LRRC37A2: variants seen among roughly 807,000 people sequenced by gnomAD.
LRRC37A2 encodes leucine rich repeat containing 37 member A2.
A neutral mutation model predicts 68.8 loss-of-function variants in LRRC37A2; 9 were observed. The observed-to-expected ratio is 0.13, with a 90% CI of 0.08 to 0.23. LRRC37A2 has a LOEUF of 0.23. LRRC37A2 is among the 10% of genes least tolerant of loss of function. The pLI is 1.00. For synonymous variants in LRRC37A2, 63 were observed against 367.6 expected, an observed-to-expected ratio of 0.17 and a Z score of 9.48; for missense variants, 168 against 950.4, an observed-to-expected ratio of 0.18 and a Z score of 10.82.
chr17:46,867,264 C>T, the LRRC37A2 span, among the ~76,000 whole-genome samples: 1 of 152,258 alleles, frequency 6.6e-6, no homozygotes, highest in Non-Finnish European at 1.5e-5. Flanking sequence ...AAATACTTAT[C>T]TGGAGCTTAC....
At chr17:46,858,167 T>G in the LRRC37A2 span, among the ~76,000 whole-genome samples, 5 of 152,218 alleles carry the variant, frequency 3.3e-5, no homozygotes, top group Admixed American at 2.0e-4. Context: ...TGACCTCATG[T>G]GATCCACCCA....
the LRRC37A2 span, among the ~76,000 whole-genome samples, chr17:46,773,146 C>T: frequency 6.6e-6 from 1 of 152,134 alleles, no homozygotes; most frequent in East Asian, 1.9e-4. Flanking sequence ...TACCCAGAGG[C>T]CAGTGCACCC....
the LRRC37A2 span, chr17:46,713,164 G>A: frequency 6.6e-6 from 1 of 152,268 alleles, no homozygotes; most frequent in African/African-American, 2.4e-5. Flanking sequence ...GTATTAAACT[G>A]TCAGATAGAC....
chr17:46,864,362 A>G, the LRRC37A2 span, among the ~76,000 whole-genome samples: 1 of 152,108 alleles, frequency 6.6e-6, no homozygotes, highest in Non-Finnish European at 1.5e-5. Flanking sequence ...TTCTCTTCAC[A>G]TACCAGGCCC....
At chr17:46,513,459 CCTT>C in exon 2 of LRRC37A2, 1 of 233,162 alleles carries the variant, frequency 4.3e-6, no homozygotes, top group Non-Finnish European at 8.5e-6. Context: ...TTCCACAGCT[CCTT>C]GAGGAAGAAC....
At chr17:46,997,648 C>A in the LRRC37A2 span, among the ~76,000 whole-genome samples, 1 of 152,128 alleles carries the variant, frequency 6.6e-6, no homozygotes, top group African/African-American at 2.4e-5. Context: ...TGGGTAATAT[C>A]TGCAGGATGC....
At chr17:46,501,385 G>A in the LRRC37A2 span, among the ~76,000 whole-genome samples, 1 of 151,136 alleles carries the variant, frequency 6.6e-6, no homozygotes, top group Non-Finnish European at 1.5e-5. Context: ...ATGTTGGCCA[G>A]ACTGGTCTTG....
chr17:46,803,408 C>T, the LRRC37A2 span, among the ~76,000 whole-genome samples: 1 of 152,164 alleles, frequency 6.6e-6, no homozygotes, highest in Non-Finnish European at 1.5e-5. Context: ...GCGGTGCACA[C>T]CTATGATCCC....
chr17:46,404,837 T>C, the LRRC37A2 span, among the ~76,000 whole-genome samples: 1 of 89,192 alleles, frequency 1.1e-5, no homozygotes, highest in African/African-American at 3.5e-5. Context: ...ACCAGGGCAG[T>C]CCAGCCTGGG....
chr17:46,929,157 C>T, the LRRC37A2 span, among the ~76,000 whole-genome samples: 1 of 152,128 alleles, frequency 6.6e-6, no homozygotes, highest in Non-Finnish European at 1.5e-5. Flanking sequence ...GTAGGATTGG[C>T]CGGGTTCAGT....
the LRRC37A2 span, chr17:46,972,917 T>A: frequency 1.3e-5 from 2 of 153,800 alleles, no homozygotes; most frequent in African/African-American, 4.8e-5. Context: ...ATACTGGCAC[T>A]GACATGCAAA....
chr17:46,877,279 G>A, the LRRC37A2 span, among the ~76,000 whole-genome samples: 1 of 152,254 alleles, frequency 6.6e-6, no homozygotes, highest in Non-Finnish European at 1.5e-5. Context: ...TGGGGAGAAA[G>A]CACAGGTGGT....
chr17:46,687,629 G>T, the LRRC37A2 span, among the ~76,000 whole-genome samples: 1 of 151,394 alleles, frequency 6.6e-6, no homozygotes, highest in Non-Finnish European at 1.5e-5. Flanking sequence ...CCTTCCAAGT[G>T]CATACTCCTT....
chr17:46,971,027 T>G, the LRRC37A2 span, among the ~76,000 whole-genome samples: 3 of 152,208 alleles, frequency 2.0e-5, no homozygotes. Context: ...CTTTTTTTTG[T>G]TGCTATAAAT....
chr17:46,824,697 AAC>A, the LRRC37A2 span, among the ~76,000 whole-genome samples: 1 of 152,168 alleles, frequency 6.6e-6, no homozygotes, highest in Non-Finnish European at 1.5e-5. Flanking sequence ...GCCCCTCGAA[AAC>A]ACTGTTGATG....
chr17:46,491,247 G>T, the LRRC37A2 span, among the ~76,000 whole-genome samples: 1 of 150,912 alleles, frequency 6.6e-6, no homozygotes, highest in African/African-American at 2.5e-5. Context: ...TAATTTATTT[G>T]CTAAATATTT....
chr17:46,771,939 C>T, the LRRC37A2 span, among the ~76,000 whole-genome samples: 1 of 147,194 alleles, frequency 6.8e-6, no homozygotes, highest in South Asian at 2.1e-4. Context: ...GCCGCGCCGC[C>T]GCCGCGCCTC....
chr17:46,810,159 A>C, the LRRC37A2 span, among the ~76,000 whole-genome samples: 1 of 151,482 alleles, frequency 6.6e-6, no homozygotes, highest in Non-Finnish European at 1.5e-5. Flanking sequence ...GGCTCCCACC[A>C]CCACGCCCAG....
At chr17:46,732,856 G>A in the LRRC37A2 span, among the ~76,000 whole-genome samples, 2 of 152,164 alleles carry the variant, frequency 1.3e-5, no homozygotes, top group African/African-American at 4.8e-5. Context: ...CGGAAAAAAG[G>A]GCTTCTCTGA....
Sources: gnomAD v4.1 joint callset for allele counts (sites outside exome capture counted in the v4.1 genomes callset) on GRCh38, gnomAD v4.1.1 for gene constraint, MANE v1.5 for transcripts, NCBI Gene and HGNC (gene_info 2026-07-23, HGNC 2026-07-21) for gene names.